MB21D2: variants seen among roughly 807,000 people sequenced by gnomAD.
The protein encoded by MB21D2 is Mab-21 domain containing 2.
MB21D2 carries 9 observed loss-of-function variants against 33.3 expected under a neutral mutation model. That is an observed-to-expected ratio of 0.27 (90% CI 0.16 to 0.47). The LOEUF (loss-of-function observed/expected upper bound fraction) is 0.47. Ranked by LOEUF, MB21D2 falls within the 20% of genes least tolerant of loss-of-function variation. The pLI is 0.99. For synonymous variants in MB21D2, 241 were observed against 236.3 expected (o/e 1.02, Z -0.18); for missense variants, 540 against 624.6 (o/e 0.86, Z 1.44).
At chr3:192,800,177 A>G (rs939314062) in intron 1 of MB21D2, among the ~76,000 whole-genome samples, 1 of 152,092 alleles carries the variant, frequency 6.6e-6, no homozygotes, top group Non-Finnish European at 1.5e-5. Flanking sequence ...AGCGGTTCTC[A>G]GTGTGGGCTG....
At chr3:192,874,309 C>T (rs1167369314) in intron 1 of MB21D2, among the ~76,000 whole-genome samples, 1 of 152,130 alleles carries the variant, frequency 6.6e-6, no homozygotes, top group African/African-American at 2.4e-5. Flanking sequence ...AATGGCTGAA[C>T]AAATGAATAA....
intron 1 of MB21D2, among the ~76,000 whole-genome samples, chr3:192,809,337 G>A (rs563416622): frequency 5.9e-5 from 9 of 152,244 alleles, no homozygotes; most frequent in African/African-American, 1.4e-4. Context: ...CTCGTGATCC[G>A]CCTTGCCTAG....
intron 1 of MB21D2, among the ~76,000 whole-genome samples, chr3:192,836,873 T>C (rs1242762744): frequency 6.6e-6 from 1 of 152,112 alleles, no homozygotes; most frequent in Non-Finnish European, 1.5e-5. Context: ...GTCACACAGT[T>C]ACTTAGTGTC....
At chr3:192,814,846 C>T (rs978233433) in intron 1 of MB21D2, among the ~76,000 whole-genome samples, 2 of 141,340 alleles carry the variant, frequency 1.4e-5, no homozygotes, top group Non-Finnish European at 3.0e-5. Flanking sequence ...GCCTGGGCGA[C>T]AGAGCGAGAC....
chr3:192,914,996 T>G (rs1714430391), intron 1 of MB21D2, among the ~76,000 whole-genome samples: 2 of 152,280 alleles, frequency 1.3e-5, no homozygotes, highest in Non-Finnish European at 2.9e-5. Flanking sequence ...GAGAGTAACA[T>G]GCCTCACCCC....
At position 192,904,807 on chromosome 3, in the gene MB21D2, C is replaced by G. The variant is rs962522907; in HGVS notation, c.211+12823G>C. 6.6e-5 allele frequency among the ~76,000 whole-genome samples: 10 copies of G among 152,228 alleles called. 1 individual carries two copies. The highest frequency in any genetic ancestry group is 2.4e-4 in the African/African-American group (10 of 41,466). ...TTACCAATGTACCCTGCCTTCCTGGCATCCCTGACTCATACTGAGGAGTCG... is the reference window on the plus strand; with the variant it reads ...TTACCAATGTACCCTGCCTTCCTGGGATCCCTGACTCATACTGAGGAGTCG... On this transcript the variant is annotated intron_variant, in intron 1 of 1. Coordinates refer to ENST00000392452, the MANE Select transcript of MB21D2 (RefSeq NM_178496.4).
intron 1 of MB21D2, among the ~76,000 whole-genome samples, chr3:192,829,060 C>A (rs1040267695): frequency 6.6e-5 from 10 of 152,182 alleles, no homozygotes; most frequent in Non-Finnish European, 1.0e-4. Flanking sequence ...AGTTTTCTCA[C>A]ACCCCTTTGC....
intron 1 of MB21D2, among the ~76,000 whole-genome samples, chr3:192,807,802 A>C (rs924917): frequency 2.0e-5 from 3 of 151,910 alleles, no homozygotes; most frequent in African/African-American, 7.3e-5. Flanking sequence ...AACATACACC[A>C]CCCCCACTGC....
At chr3:192,889,647 TAC>T (rs758376668) in intron 1 of MB21D2, among the ~76,000 whole-genome samples, 1 of 151,944 alleles carries the variant, frequency 6.6e-6, no homozygotes, top group Non-Finnish European at 1.5e-5. Flanking sequence ...AATGTGTAAA[TAC>T]AGTTTCCAGA....
chr3:192,807,049 G>A (rs886726548), intron 1 of MB21D2, among the ~76,000 whole-genome samples: 3 of 152,134 alleles, frequency 2.0e-5, no homozygotes, highest in Non-Finnish European at 4.4e-5. Context: ...GTAGTTTTGT[G>A]CTTAGTTGGT....
chr3:192,915,185 C>G (rs1714435420), intron 1 of MB21D2, among the ~76,000 whole-genome samples: 4 of 152,112 alleles, frequency 2.6e-5, no homozygotes, highest in Admixed American at 2.6e-4. Context: ...CCTCCACCCC[C>G]CCGCCCTGAA....
At chr3:192,844,455 C>A (rs1332301965) in intron 1 of MB21D2, among the ~76,000 whole-genome samples, 1 of 152,172 alleles carries the variant, frequency 6.6e-6, no homozygotes, top group South Asian at 2.1e-4. Flanking sequence ...GTTGCCTCTC[C>A]CCACTGCTGT....
At chr3:192,899,943 G>A (rs1285132500) in intron 1 of MB21D2, among the ~76,000 whole-genome samples, 1 of 144,254 alleles carries the variant, frequency 6.9e-6, no homozygotes, top group Non-Finnish European at 1.5e-5. Flanking sequence ...GCAGTCAAGA[G>A]GTCTGAGCTG....
chr3:192,904,770 G>A (rs931621095), intron 1 of MB21D2, among the ~76,000 whole-genome samples: 1 of 152,232 alleles, frequency 6.6e-6, no homozygotes, highest in Admixed American at 6.5e-5. Context: ...AGGGATGAGA[G>A]GTGATCTCCA....
chr3:192,798,489 A>C lies in MB21D2; in HGVS notation c.1373T>G (p.Leu458Arg). The change falls in exon 2 of 2, where the codon CTG (leucine) becomes CGG (arginine). Residue 458 changes from leucine (L) to arginine (R), a missense_variant. Coordinates refer to ENST00000392452, the MANE Select transcript of MB21D2 (RefSeq NM_178496.4). This position sits in a 1 kb window ranked among gnomAD's most constrained non-coding sequence, Gnocchi z 4.8. ...NQPDDRLAKK[L>R]QQLVTENPGK... is the part of the protein sequence containing the mutation. ...CGGGTTCTCAGTCACTAGCTGCTGCAGTTTTTTTGCCAAACGGTCATCAGG... is the reference window on the plus strand; with the variant it reads ...CGGGTTCTCAGTCACTAGCTGCTGCCGTTTTTTTGCCAAACGGTCATCAGG... The C allele has an allele frequency of 6.2e-7, 1 of 1,614,208 alleles. No homozygotes were observed. Among genetic ancestry groups the C allele is most frequent in the Non-Finnish European group, 8.5e-7 (1 of 1,180,026 alleles).
chr3:192,799,577 T>C lies in MB21D2; in HGVS notation c.285A>G (p.Glu95=). 6.2e-7 allele frequency: 1 copy of C among 1,614,160 alleles called. No individual in the cohort carries two copies. The change falls in exon 2 of 2, where the codon GAA becomes GAG. Residue 95 remains glutamate, a synonymous_variant. Coordinates refer to ENST00000392452, the MANE Select transcript of MB21D2 (RefSeq NM_178496.4). The surrounding 1 kb of genome is among the most constrained non-coding windows in gnomAD (Gnocchi z 4.1). ...EYLLLSGGVR[E]GVVDLDLDEL... is the part of the protein sequence containing the mutation. Reference sequence around the variant, plus strand: ...CATCTAAGTCCAGGTCCACCACGCCTTCCCGGACACCTCCAGAGAGCAACA... The same window carrying C: ...CATCTAAGTCCAGGTCCACCACGCCCTCCCGGACACCTCCAGAGAGCAACA...
chr3:192,856,505 A>T (rs1333091667), intron 1 of MB21D2, among the ~76,000 whole-genome samples: 1 of 152,150 alleles, frequency 6.6e-6, no homozygotes, highest in Non-Finnish European at 1.5e-5. Flanking sequence ...AGCACCTGGC[A>T]TTGCCCTTGC....
intron 1 of MB21D2, among the ~76,000 whole-genome samples, chr3:192,847,314 T>C (rs1712698274): frequency 6.6e-6 from 1 of 152,130 alleles, no homozygotes. Context: ...CACCCAATCA[T>C]TTGGGACATG....
At chr3:192,890,018 T>C (rs1442680568) in intron 1 of MB21D2, among the ~76,000 whole-genome samples, 1 of 152,142 alleles carries the variant, frequency 6.6e-6, no homozygotes, top group Non-Finnish European at 1.5e-5. Context: ...CTAATGCCAT[T>C]TCTGAAACTA....
Sources: gnomAD v4.1 joint callset for allele counts (sites outside exome capture counted in the v4.1 genomes callset) on GRCh38, gnomAD v4.1.1 for gene constraint, Gnocchi (gnomAD v3.1) non-coding constraint, MANE v1.5 for transcripts, NCBI Gene and HGNC (gene_info 2026-07-23, HGNC 2026-07-21) for gene names.